CSDE1: variants seen among roughly 807,000 people sequenced by gnomAD.
CSDE1 encodes cold shock domain-containing protein E1.
A neutral mutation model predicts 89.3 loss-of-function variants in CSDE1; 17 were observed. The observed-to-expected ratio is 0.19, with a 90% CI of 0.13 to 0.29. The LOEUF (loss-of-function observed/expected upper bound fraction) is 0.29. CSDE1 is among the 10% of genes least tolerant of loss of function. CSDE1 has a pLI of 1.00. For missense variants in CSDE1, 672 were observed against 984.2 expected, an observed-to-expected ratio of 0.68 and a Z score of 4.24; for synonymous variants, 322 against 332.8, an observed-to-expected ratio of 0.97 and a Z score of 0.35.
At chr1:114,729,741 C>A (rs949717752) in intron 12 of CSDE1, among the ~76,000 whole-genome samples, 13 of 152,150 alleles carry the variant, frequency 8.5e-5, no homozygotes, top group African/African-American at 2.4e-5. Flanking sequence ...TTCTATAAAA[C>A]TCTCAATTTG....
Position 114,737,500 on chromosome 1 carries a change from T to A in CSDE1, c.373A>T (p.Thr125Ser). The change falls in exon 5 of 20, where the codon ACA becomes TCA. Residue 125 changes from threonine (T) to serine (S), a missense_variant. Physicochemically the swap from Thr to Ser is moderately conservative, Grantham distance 58. Coordinates refer to ENST00000358528, the MANE Select transcript of CSDE1 (RefSeq NM_001007553.3). ...TTACGTTCGTAGCATACACTCCCTG[T>A]TGGACTCTGACCCGGGGCAGCTGGA... ...KSPAAPGQSPTGSVCYERNGE... is the reference protein window; with the variant it reads ...KSPAAPGQSPSGSVCYERNGE... The A allele has an allele frequency of 6.2e-7, 1 of 1,614,056 alleles. No individual in the cohort carries two copies. The highest frequency in any genetic ancestry group is 8.5e-7 in the Non-Finnish European group (1 of 1,179,956).
intron 6 of CSDE1, among the ~76,000 whole-genome samples, chr1:114,734,731 C>A (rs1421255356): frequency 6.6e-6 from 1 of 152,118 alleles, no homozygotes; most frequent in Non-Finnish European, 1.5e-5. Context: ...CTACGTTTGG[C>A]AAATATATAT....
intron 14 of CSDE1, among the ~76,000 whole-genome samples, chr1:114,725,836 G>A (rs1020540120): frequency 3.3e-5 from 5 of 152,200 alleles, no homozygotes; most frequent in East Asian, 1.9e-4. Context: ...GAGTTTCACC[G>A]TGTTGCTCAG....
At chr1:114,738,172 C>A in intron 3 of CSDE1, 100 bp from the exon 4 acceptor site, 1 of 889,066 alleles carries the variant, frequency 1.1e-6, no homozygotes, top group Non-Finnish European at 1.8e-6. Context: ...TGCCTTAGAC[C>A]AGTGGTTTTC....
At chr1:114,739,519 A>G (rs1031426655) in intron 3 of CSDE1, among the ~76,000 whole-genome samples, 173 bp downstream of exon 3, 1 of 152,262 alleles carries the variant, frequency 6.6e-6, no homozygotes, top group Non-Finnish European at 1.5e-5. Context: ...ATATGCAAAT[A>G]TAATCTTTCA....
chr1:114,722,183 C>G (rs369516712), intron 16 of CSDE1, among the ~76,000 whole-genome samples: 2 of 152,202 alleles, frequency 1.3e-5, no homozygotes, highest in African/African-American at 4.8e-5. Context: ...ACTCTCGACC[C>G]CAGCTGACTT....
At chr1:114,738,852 G>A (rs189429501) in intron 3 of CSDE1, among the ~76,000 whole-genome samples, 3 of 151,340 alleles carry the variant, frequency 2.0e-5, no homozygotes, top group Non-Finnish European at 4.4e-5. Context: ...TGCATTTTTT[G>A]TAGAGATGGG....
chr1:114,742,041 C>G (rs1187224974), intron 2 of CSDE1, among the ~76,000 whole-genome samples: 1 of 152,154 alleles, frequency 6.6e-6, no homozygotes, highest in Non-Finnish European at 1.5e-5. Context: ...ATAACTGGGA[C>G]TATTTTTCTG....
intron 19 of CSDE1, 23 bp downstream of exon 19, chr1:114,718,590 C>G (rs773353320): frequency 5.6e-6 from 9 of 1,609,804 alleles, no homozygotes; most frequent in Middle Eastern, 1.7e-4. Flanking sequence ...TTGGCCTCCC[C>G]CAAGCCTTGT....
intron 10 of CSDE1, among the ~76,000 whole-genome samples, chr1:114,731,108 C>CT (rs374115287): frequency 0.028 from 4,019 of 145,076 alleles, 89 homozygotes; most frequent in Non-Finnish European, 0.036. Context: ...AATCTTTTCT[C>CT]TTTTTTTTTT....
intron 12 of CSDE1, among the ~76,000 whole-genome samples, chr1:114,728,704 G>A (rs549161676): frequency 2.0e-5 from 3 of 152,250 alleles, no homozygotes; most frequent in Non-Finnish European, 2.9e-5. Flanking sequence ...TGTCACATGC[G>A]AAATTCCTAT....
Position 114,732,650 on chromosome 1 carries a change from T to C in CSDE1, c.1004A>G (p.Glu335Gly), listed in dbSNP as rs752335597. 3 of 1,614,222 alleles carry C rather than the reference T, an allele frequency of 1.9e-6. No individual in the cohort carries two copies. The Admixed American group carries it at 5.0e-5, about 27-fold the overall frequency. The stretch of plus-strand genomic sequence containing the variant: ...GAACTGAAATGTATTTGACAGAACT[T>C]CTATATTGGTTGCTCGCTCTAATTT... ...RDKLERATNI[E>G]VLSNTFQFTN... is the part of the protein sequence containing the mutation. The change falls in exon 10 of 20, where the codon GAA (glutamate) becomes GGA (glycine). Residue 335 changes from glutamate (E) to glycine (G), a missense_variant. Physicochemically the swap from Glu to Gly is moderately conservative, Grantham distance 98. This residue lies in a region of CSDE1 where 169 missense variants were observed against 262.9 expected (regional missense o/e 0.64). Coordinates refer to ENST00000358528, the MANE Select transcript of CSDE1 (RefSeq NM_001007553.3).
intron 16 of CSDE1, 47 bp downstream of exon 16, chr1:114,723,836 C>T (rs1319549592): frequency 1.1e-5 from 17 of 1,611,934 alleles, no homozygotes; most frequent in Non-Finnish European, 1.3e-5. Flanking sequence ...AGGTGCTCAT[C>T]TGAAGTTATG....
intron 2 of CSDE1, among the ~76,000 whole-genome samples, chr1:114,747,244 T>C (rs993284842): frequency 2.6e-5 from 4 of 152,168 alleles, no homozygotes; most frequent in African/African-American, 9.7e-5. Context: ...TACGTACTAT[T>C]TTTACTGATT....
At chr1:114,744,840 G>A (rs947056673) in intron 2 of CSDE1, among the ~76,000 whole-genome samples, 1 of 152,022 alleles carries the variant, frequency 6.6e-6, no homozygotes, top group Non-Finnish European at 1.5e-5. Context: ...GCTTCTTGAG[G>A]GGCAGAACTT....
At chr1:114,747,676 G>A (rs1269971030) in intron 2 of CSDE1, among the ~76,000 whole-genome samples, 2 of 151,604 alleles carry the variant, frequency 1.3e-5, no homozygotes, top group South Asian at 2.1e-4. Flanking sequence ...TGGCCAACAC[G>A]GTGAAACCCC....
intron 2 of CSDE1, among the ~76,000 whole-genome samples, chr1:114,740,903 A>G (rs1660689534): frequency 6.6e-6 from 1 of 152,226 alleles, no homozygotes; most frequent in Non-Finnish European, 1.5e-5. Context: ...AATGTTGGGC[A>G]TTATTAATAA....
intron 9 of CSDE1, among the ~76,000 whole-genome samples, chr1:114,733,149 C>T (rs1026498670): frequency 2.6e-5 from 4 of 152,162 alleles, no homozygotes; most frequent in African/African-American, 9.7e-5. Flanking sequence ...AAATGTACAC[C>T]TGAACTGCAG....
At chr1:114,756,878 T>C (rs2101104951) in intron 1 of CSDE1, 1 of 152,396 alleles carries the variant, frequency 6.6e-6, no homozygotes, top group South Asian at 2.1e-4. Flanking sequence ...TGGGTGTTTC[T>C]AAGGGAAAAC....
Sources: gnomAD v4.1 joint callset for allele counts (sites outside exome capture counted in the v4.1 genomes callset) on GRCh38, gnomAD v4.1.1 for gene constraint, gnomAD v4.1.1 regional missense constraint, MANE v1.5 for transcripts, NCBI Gene and HGNC (gene_info 2026-07-23, HGNC 2026-07-21) for gene names.